The following SH2D4A variants were observed in gnomAD, a reference collection of about 807,000 sequenced individuals.
SH2D4A encodes the protein SH2 domain containing 4A, also known as SH2 domain-containing protein 4A.
A neutral mutation model predicts 64.7 loss-of-function variants in SH2D4A; 70 were observed. The observed-to-expected ratio is 1.08, with a 90% CI of 0.89 to 1.32. SH2D4A has a LOEUF of 1.32. Among genes scored for constraint, SH2D4A ranks in the 40% most tolerant of loss-of-function variants. SH2D4A has a pLI of 0.00. For synonymous variants in SH2D4A, 268 were observed against 200.7 expected (o/e 1.34, Z -2.83); for missense variants, 706 against 540.1 (o/e 1.31, Z -3.04).
At chr8:19,370,434 A>C in intron 7 of SH2D4A, among the ~76,000 whole-genome samples, 1 of 152,176 alleles carries the variant, frequency 6.6e-6, no homozygotes, top group East Asian at 1.9e-4. Flanking sequence ...AATTGAGTAC[A>C]TATATATTTA....
chr8:19,378,654 T>A (rs956270106), intron 8 of SH2D4A, among the ~76,000 whole-genome samples: 2 of 152,130 alleles, frequency 1.3e-5, no homozygotes, highest in African/African-American at 4.8e-5. Flanking sequence ...CAGGCTGGTC[T>A]CGAACCCCTG....
intron 4 of SH2D4A, among the ~76,000 whole-genome samples, chr8:19,341,034 A>G (rs1042441346): frequency 7.2e-5 from 11 of 152,224 alleles, no homozygotes; most frequent in Admixed American, 6.5e-4. Context: ...GTTCAAAGAG[A>G]TTAAGTGATT....
intron 2 of SH2D4A, among the ~76,000 whole-genome samples, chr8:19,322,030 A>G (rs1397465778): frequency 6.6e-6 from 1 of 152,224 alleles, no homozygotes. Flanking sequence ...AGTTCTATCA[A>G]TATCTCACGT....
intron 3 of SH2D4A, among the ~76,000 whole-genome samples, chr8:19,333,948 T>C (rs17116609): frequency 0.28 from 42,701 of 152,064 alleles, 7,820 homozygotes; most frequent in African/African-American, 0.52. Flanking sequence ...CTTGGACAAC[T>C]GCTTCAGAGG....
chr8:19,319,714 C>A lies in SH2D4A; in HGVS notation c.167C>A (p.Pro56His), dbSNP rs2052154703. 8.8e-6 allele frequency: 14 copies of A among 1,586,154 alleles called. No homozygotes were observed. Among genetic ancestry groups the A allele is most frequent in the South Asian group, 1.2e-5 (1 of 85,772 alleles). ...AGAAAGGAGTCCCTGCCAGTGAAAC[C>A]CAGACCAAAGAAAGGTAAACTTATC... ...MERKESLPVK[P>H]RPKKENGKSV... Residue 56 changes from proline (P) to histidine (H), a missense_variant, in exon 2 of 10, where the codon CCC becomes CAC. Physicochemically the swap from Pro to His is moderately conservative, Grantham distance 77. Coordinates refer to ENST00000265807, the MANE Select transcript of SH2D4A (RefSeq NM_022071.4).
intron 1 of SH2D4A, among the ~76,000 whole-genome samples, chr8:19,317,522 G>A (rs917726050): frequency 6.6e-6 from 1 of 151,886 alleles, no homozygotes. Flanking sequence ...TCAAGGGCCT[G>A]GCTTCACAAT....
intron 8 of SH2D4A, among the ~76,000 whole-genome samples, chr8:19,391,412 G>T (rs923406947): frequency 1.3e-5 from 2 of 152,156 alleles, no homozygotes. Context: ...GCAGGGAAGG[G>T]GTGGAAAAGC....
rs1456193798 is a variant in SH2D4A, at chr8:19,331,493, G to A, written c.182-1462G>A. 5.9e-5 allele frequency among the ~76,000 whole-genome samples: 9 copies of A among 152,092 alleles called. No individual in the cohort carries two copies. The South Asian group carries it at 6.2e-4, about 10-fold the overall frequency. On this transcript the variant is annotated intron_variant, in intron 2 of 9. Transcript: ENST00000265807. The stretch of plus-strand genomic sequence containing the variant: ...TCCTAGGTACGCTCCACCTGCCCCC[G>A]GTTTAAGGGAGCATGACCGATGTGG...
chr8:19,353,266 A>G (rs983052068), intron 4 of SH2D4A, among the ~76,000 whole-genome samples: 2 of 152,082 alleles, frequency 1.3e-5, no homozygotes, highest in Admixed American at 6.5e-5. Flanking sequence ...AAGCCTCTTC[A>G]TCCTGCCTCT....
rs141466214 is a variant in SH2D4A at position 19,376,812 on chromosome 8, G to C, written c.1048+3152G>C. Reference sequence around the variant, plus strand: ...GCTATAGACAACATTCAGATGAGCAGTTAGTTGTCTCCTTAATGAAGCTAG... The same window carrying C: ...GCTATAGACAACATTCAGATGAGCACTTAGTTGTCTCCTTAATGAAGCTAG... On this transcript the variant is annotated intron_variant, in intron 8 of 9. Transcript: ENST00000265807. Among the ~76,000 whole-genome samples, 1,250 of 152,210 alleles carry C rather than the reference G, an allele frequency of 8.2e-3. 11 individuals carry two copies. The highest frequency in any genetic ancestry group is 0.029 in the African/African-American group (1,196 of 41,528).
intron 1 of SH2D4A, among the ~76,000 whole-genome samples, chr8:19,317,145 A>T (rs911409361): frequency 6.6e-6 from 1 of 152,186 alleles, no homozygotes; most frequent in African/African-American, 2.4e-5. Context: ...TGCGAAAACC[A>T]ACCATTGAAC....
chr8:19,369,526 G>A (rs1179089025), intron 7 of SH2D4A, among the ~76,000 whole-genome samples: 2 of 152,108 alleles, frequency 1.3e-5, no homozygotes, highest in South Asian at 2.1e-4. Flanking sequence ...TTATTGGTCT[G>A]TTAAGTTTTC....
chr8:19,381,049 T>TC lies in SH2D4A; in HGVS notation c.1048+7389_1048+7390insC, dbSNP rs538818981. Among the ~76,000 whole-genome samples, 16 of 151,920 alleles carry TC rather than the reference T, an allele frequency of 1.1e-4. No homozygotes were observed. In the South Asian group the frequency reaches 3.3e-3, roughly 32 times the overall value. On this transcript the variant is annotated intron_variant, in intron 8 of 9. Transcript: ENST00000265807. The stretch of plus-strand genomic sequence containing the variant: ...TTTATCTCAGCAATGTTTTGTAGTT[T>TC]TTTTTTTTTTTAGACGGAGTCTTGC...
intron 4 of SH2D4A, among the ~76,000 whole-genome samples, chr8:19,347,399 C>T (rs905198567): frequency 6.6e-6 from 1 of 152,186 alleles, no homozygotes; most frequent in South Asian, 2.1e-4. Flanking sequence ...GAGTCCCCTG[C>T]AGCTGAAGAG....
intron 5 of SH2D4A, 105 bp from the exon 6 acceptor site, chr8:19,361,098 G>C: frequency 2.1e-6 from 1 of 473,384 alleles, no homozygotes; most frequent in South Asian, 2.3e-5. Flanking sequence ...ATAGAAGTCA[G>C]CTGTGCCGGG....
chr8:19,334,679 T>C lies in SH2D4A; in HGVS notation c.342-7T>C. 3.8e-6 allele frequency: 6 copies of C among 1,582,712 alleles called. No individual in the cohort carries two copies. The highest frequency in any genetic ancestry group is 5.1e-6 in the Non-Finnish European group (6 of 1,167,772). On this transcript the variant is annotated splice_polypyrimidine_tract_variant and splice_region_variant and intron_variant, in intron 3 of 9. Coordinates refer to ENST00000265807, the MANE Select transcript of SH2D4A (RefSeq NM_022071.4). Reference sequence around the variant, plus strand: ...TTTTTGAGAATTTCACTTTTGCCTCTCTTCAGAAAAACTCACTCTGAAGAA... The same window carrying C: ...TTTTTGAGAATTTCACTTTTGCCTCCCTTCAGAAAAACTCACTCTGAAGAA...
intron 1 of SH2D4A, among the ~76,000 whole-genome samples, chr8:19,314,775 T>C (rs1037074647): frequency 4.6e-5 from 7 of 152,218 alleles, no homozygotes; most frequent in Admixed American, 6.5e-5. Context: ...ATGAGTGGAA[T>C]TCTCTATGTA....
At chr8:19,354,505 C>A (rs2052758493) in intron 4 of SH2D4A, among the ~76,000 whole-genome samples, 1 of 152,140 alleles carries the variant, frequency 6.6e-6, no homozygotes, top group African/African-American at 2.4e-5. Flanking sequence ...CGTGTCTGTG[C>A]TTCATATTAT....
At chr8:19,372,591 A>G (rs1324462991) in intron 7 of SH2D4A, among the ~76,000 whole-genome samples, 1 of 152,160 alleles carries the variant, frequency 6.6e-6, no homozygotes, top group Non-Finnish European at 1.5e-5. Context: ...AGGTGCCTCT[A>G]CAGACAGGAT....
Sources: gnomAD v4.1 joint callset for allele counts (sites outside exome capture counted in the v4.1 genomes callset) on GRCh38, gnomAD v4.1.1 for gene constraint, MANE v1.5 for transcripts, NCBI Gene and HGNC (gene_info 2026-07-23, HGNC 2026-07-21) for gene names.